CAMTA2: variants seen among roughly 807,000 people sequenced by gnomAD.
The protein encoded by CAMTA2 is calmodulin-binding transcription activator 2.
CAMTA2 carries 56 observed loss-of-function variants against 135.7 expected under a neutral mutation model. The ratio of observed to expected loss-of-function variants is 0.41; its 90% CI spans 0.33 to 0.52. The LOEUF is 0.52. Ranked by LOEUF, CAMTA2 falls within the 20% of genes least tolerant of loss-of-function variation. CAMTA2 has a pLI of 0.16. For synonymous variants in CAMTA2, 591 were observed against 604.6 expected (o/e 0.98, Z 0.33); for missense variants, 1,358 against 1,553.4 (o/e 0.87, Z 2.11).
chr17:4,972,410 TC>T lies in CAMTA2; in HGVS notation c.2629del (p.Glu877ArgfsTer58), dbSNP rs1270510899. On this transcript the variant is annotated frameshift_variant, in exon 16 of 23. Transcript: ENST00000348066. LOFTEE classifies it high-confidence loss of function. ...GGAAAGCTGGCCTGGGGCCATGTCC[TC>T]CATAGTCATCTCAGAGGCTGGCAGA... Reference protein sequence around the residue: ...APLPASEMTMEDMAPGQLSSG... With the variant: ...APLPASEMTMXDMAPGQLSSG... 1 of 1,614,010 alleles carries T rather than the reference TC, an allele frequency of 6.2e-7. No homozygotes were observed. Among genetic ancestry groups the T allele is most frequent in the East Asian group, 2.2e-5 (1 of 44,870 alleles).
chr17:4,973,444 A>G, intron 13 of CAMTA2, 141 bp downstream of exon 13: 1 of 928,208 alleles, frequency 1.1e-6, no homozygotes, highest in Admixed American at 2.2e-5. Context: ...CCCAAAATAT[A>G]AGTCCTCTCC....
At chr17:4,984,230 G>A (rs1237246424) in intron 3 of CAMTA2, among the ~76,000 whole-genome samples, 2 of 152,158 alleles carry the variant, frequency 1.3e-5, no homozygotes, top group African/African-American at 4.8e-5. Flanking sequence ...GATTACAGGC[G>A]TGAGCCACTG....
chr17:4,986,781 A>G (rs939157260), intron 1 of CAMTA2: 2 of 588,902 alleles, frequency 3.4e-6, no homozygotes, highest in African/African-American at 3.9e-5. Flanking sequence ...GGCAGATCTG[A>G]TAACTGAACC....
In CAMTA2 at chr17:4,977,259, G is replaced by A. The variant is rs529403981; in HGVS notation, c.1766-67C>T. On this transcript the variant is annotated intron_variant, in intron 10 of 22. Coordinates refer to ENST00000348066, the MANE Select transcript of CAMTA2 (RefSeq NM_015099.4). ...GCTCCTTCTCTGGCTACCTGTGTCAGCCACAGACAATTATTCCATAGTTAT... is the reference window on the plus strand; with the variant it reads ...GCTCCTTCTCTGGCTACCTGTGTCAACCACAGACAATTATTCCATAGTTAT... 40 of 1,574,074 alleles carry A rather than the reference G, an allele frequency of 2.5e-5. No individual in the cohort carries two copies. The East Asian group carries it at 7.9e-4, about 31-fold the overall frequency.
Position 4,970,062 on chromosome 17 carries a change from C to A in CAMTA2, c.3029G>T (p.Arg1010Leu). 6.2e-7 allele frequency: 1 copy of A among 1,614,016 alleles called. No homozygotes were observed. The highest frequency in any genetic ancestry group is 8.5e-7 in the Non-Finnish European group (1 of 1,179,996). Residue 1010 changes from arginine to leucine, a missense_variant, in exon 18 of 23, where the codon CGC becomes CTC. This residue lies in a region of CAMTA2 where 1,077 missense variants were observed against 1,127.5 expected (regional missense o/e 0.96). Coordinates refer to ENST00000348066, the MANE Select transcript of CAMTA2 (RefSeq NM_015099.4). ...GGAGGGTGCTGAAGGGACAGCCAGG[C>A]GACCTCGCTCAAAGGGCAGTTCGCT... ...PPSELPFERG[R>L]LAVPSAPSWA...
intron 16 of CAMTA2, 102 bp downstream of exon 16, chr17:4,972,130 C>T (rs1972329392): frequency 3.0e-6 from 3 of 1,001,542 alleles, no homozygotes; most frequent in South Asian, 3.0e-5. Flanking sequence ...TAAATAGGCC[C>T]TTCCTAAACT....
At position 4,981,513 on chromosome 17, in the gene CAMTA2, C is replaced by T. The variant is rs553642332; in HGVS notation, c.566-154G>A. Among the ~76,000 whole-genome samples, 44 of 152,342 alleles carry T rather than the reference C, an allele frequency of 2.9e-4. 1 individual carries two copies. In the South Asian group the frequency reaches 9.1e-3, roughly 32 times the overall value. On this transcript the variant is annotated intron_variant, in intron 7 of 22. Coordinates refer to ENST00000348066, the MANE Select transcript of CAMTA2 (RefSeq NM_015099.4). The stretch of plus-strand genomic sequence containing the variant: ...GACTGCTCAGATATGTTGCTTTAGT[C>T]CTTTCTCCGTATTCTAATACCTGAG...
In CAMTA2 at chr17:4,969,767, C is replaced by G; in HGVS notation, c.3190-66G>C. ...TGGCATATCTGACTTGTCCCTTCAACTTTCCTGGGGTTCCCCTGACCCTTT... is the reference window on the plus strand; with the variant it reads ...TGGCATATCTGACTTGTCCCTTCAAGTTTCCTGGGGTTCCCCTGACCCTTT... On this transcript the variant is annotated intron_variant, in intron 18 of 22. Transcript: ENST00000348066. The surrounding 1 kb of genome is among the most constrained non-coding windows in gnomAD (Gnocchi z 5.6). 1 of 1,605,366 alleles carries G rather than the reference C, an allele frequency of 6.2e-7. No individual in the cohort carries two copies. The highest frequency in any genetic ancestry group is 8.5e-7 in the Non-Finnish European group (1 of 1,173,116).
At chr17:4,982,486 C>G (rs1973016306) in intron 5 of CAMTA2, among the ~76,000 whole-genome samples, 1 of 152,196 alleles carries the variant, frequency 6.6e-6, no homozygotes, top group African/African-American at 2.4e-5. Context: ...GCTGGGATCC[C>G]TGAGGGAAAC....
Position 4,973,737 on chromosome 17 carries a change from C to T in CAMTA2, c.2049G>A (p.Arg683=), listed in dbSNP as rs935540869. 3.7e-6 allele frequency: 6 copies of T among 1,612,532 alleles called. No individual in the cohort carries two copies. In the African/African-American group the frequency reaches 8.0e-5, roughly 22 times the overall value. Residue 683 remains arginine, a synonymous_variant, in exon 13 of 23, where the codon CGG becomes CGA. Transcript: ENST00000348066. Reference sequence around the variant, plus strand: ...TCATGCTTTCTACCAAGACCACTACCCGTGCTTCGAACCCAGGCCCCTGGC... The same window carrying T: ...TCATGCTTTCTACCAAGACCACTACTCGTGCTTCGAACCCAGGCCCCTGGC... ...DEGQGPGFEA[R]VVVLVESMIP... is the part of the protein sequence containing the mutation.
In CAMTA2 at chr17:4,981,229, C is replaced by T. The variant is rs1972940584; in HGVS notation, c.696G>A (p.Gly232=). The change falls in exon 8 of 23, where the codon GGG becomes GGA. Residue 232 remains glycine (G), a synonymous_variant. Transcript: ENST00000348066. The part of the protein sequence containing the change: ...PRTHACLCSG[G]LGSGSLTHKC... ...AAAGGTCAGGGAGTAACTTACCAAGCCCCCCACTGCAGAGACAGGCGTGGG... is the reference window on the plus strand; with the variant it reads ...AAAGGTCAGGGAGTAACTTACCAAGTCCCCCACTGCAGAGACAGGCGTGGG... 6.2e-7 allele frequency: 1 copy of T among 1,613,236 alleles called. No individual in the cohort carries two copies. Among genetic ancestry groups the T allele is most frequent in the Non-Finnish European group, 8.5e-7 (1 of 1,179,778 alleles).
At position 4,973,637 on chromosome 17, in the gene CAMTA2, G is replaced by C; in HGVS notation, c.2149C>G (p.Leu717Val). 6.2e-7 allele frequency: 1 copy of C among 1,614,096 alleles called. No individual in the cohort carries two copies. Among genetic ancestry groups the C allele is most frequent in the South Asian group, 1.1e-5 (1 of 91,086 alleles). Residue 717 changes from leucine to valine, a missense_variant, in exon 13 of 23, where the codon CTG becomes GTG. Around this residue, in one of 4 missense-constraint regions of CAMTA2, gnomAD observed 1,077 missense variants for 1,127.5 expected, o/e 0.96. Coordinates refer to ENST00000348066, the MANE Select transcript of CAMTA2 (RefSeq NM_015099.4). Reference sequence around the variant, plus strand: ...CGGGCATAGCCCTGGGCAGCAGCCAGGTGCAGAAGGCTCATGCCCCGGAAG... The same window carrying C: ...CGGGCATAGCCCTGGGCAGCAGCCACGTGCAGAAGGCTCATGCCCCGGAAG... ...SPFRGMSLLH[L>V]AAAQGYARLI...
chr17:4,986,618 G>T, intron 1 of CAMTA2: 1 of 517,210 alleles, frequency 1.9e-6, no homozygotes, highest in Non-Finnish European at 3.4e-6. Context: ...AGGTCCTGGG[G>T]GTTGGGACTC....
Position 4,980,132 on chromosome 17 carries a change from C to A in CAMTA2, c.1190G>T (p.Ser397Ile). The A allele has an allele frequency of 6.3e-7, 1 of 1,599,360 alleles. No individual in the cohort carries two copies. Among genetic ancestry groups the A allele is most frequent in the South Asian group, 1.1e-5 (1 of 88,852 alleles). The stretch of plus-strand genomic sequence containing the variant: ...GGCCTCTGCCTCGGGGAAGTCTGGG[C>A]TTACTCCCTGCCCCCCTCCATATGT... ...GQTYGGGQGV[S>I]PDFPEAEAAH... The change falls in exon 9 of 23, where the codon AGC (serine) becomes ATC (isoleucine). Residue 397 changes from serine (S) to isoleucine (I), a missense_variant. Coordinates refer to ENST00000348066, the MANE Select transcript of CAMTA2 (RefSeq NM_015099.4). This position sits in a 1 kb window ranked among gnomAD's most constrained non-coding sequence, Gnocchi z 5.3.
rs373889003 is a variant in CAMTA2 at position 4,981,789 on chromosome 17, G to A, written c.454C>T (p.Leu152=). 1 of 1,612,678 alleles carries A rather than the reference G, an allele frequency of 6.2e-7. No individual in the cohort carries two copies. The highest frequency in any genetic ancestry group is 8.5e-7 in the Non-Finnish European group (1 of 1,179,230). The part of the protein sequence containing the change: ...VLVHYLNVPA[L]EDCGKGCSPI... ...CTGCAGCCCTTTCCACAGTCCTCCA[G>A]GGCTGGGACGTTCAGGTAGTGCACA... The change falls in exon 7 of 23, where the codon CTG becomes TTG. Residue 152 remains leucine, a synonymous_variant. Transcript: ENST00000348066.
At position 4,986,274 on chromosome 17, in the gene CAMTA2, G is replaced by T. The variant is rs775300540; in HGVS notation, c.-52C>A. 10 of 1,455,596 alleles carry T rather than the reference G, an allele frequency of 6.9e-6. No homozygotes were observed. In the South Asian group the frequency reaches 9.4e-5, roughly 14 times the overall value. 90.2% of individuals were successfully genotyped at this position (1,455,596 alleles called of 1,614,324 possible). On this transcript the variant is annotated 5_prime_UTR_variant, in exon 2 of 23. Coordinates refer to ENST00000348066, the MANE Select transcript of CAMTA2 (RefSeq NM_015099.4). Reference sequence around the variant, plus strand: ...CCCCCGGCCTGAGGGGCCGGGGGGAGGGGGAGTCTGTGCTGGGAAGGGAGA... The same window carrying T: ...CCCCCGGCCTGAGGGGCCGGGGGGATGGGGAGTCTGTGCTGGGAAGGGAGA...
Position 4,969,071 on chromosome 17 carries a change from CATG to C in CAMTA2, c.3470+76_3470+78del. The stretch of plus-strand genomic sequence containing the variant: ...CCCTAGGCAGGGAATGGCAGTGAGG[CATG>C]ATGATCAAGAGGATGAGTAAGGGGG... On this transcript the variant is annotated intron_variant, in intron 21 of 22. Coordinates refer to ENST00000348066, the MANE Select transcript of CAMTA2 (RefSeq NM_015099.4). This position sits in a 1 kb window ranked among gnomAD's most constrained non-coding sequence, Gnocchi z 5.6. 6.3e-7 allele frequency: 1 copy of C among 1,580,914 alleles called. No homozygotes were observed. The highest frequency in any genetic ancestry group is 1.7e-5 in the Admixed American group (1 of 58,260).
chr17:4,969,232 G>C lies in CAMTA2; in HGVS notation c.3388C>G (p.Leu1130Val). The C allele has an allele frequency of 3.1e-6, 5 of 1,613,598 alleles. No homozygotes were observed. The highest frequency in any genetic ancestry group is 4.2e-6 in the Non-Finnish European group (5 of 1,180,028). ...TAGGAGCGGTAGTGCTGCTGGATGA[G>C]CACAGCCGCTCGGCGGCTCTGCTGA... ...RFQQSRRAAV[L>V]IQQHYRSYRR... The change falls in exon 21 of 23, where the codon CTC becomes GTC. Residue 1130 changes from leucine (L) to valine (V), a missense_variant. Physicochemically the swap from Leu to Val is conservative, Grantham distance 32. Coordinates refer to ENST00000348066, the MANE Select transcript of CAMTA2 (RefSeq NM_015099.4). The surrounding 1 kb of genome is among the most constrained non-coding windows in gnomAD (Gnocchi z 5.6).
rs202144514 is a variant in CAMTA2, at chr17:4,986,218, T to G, written c.5A>C (p.Asn2Thr). The G allele has an allele frequency of 2.9e-5, 46 of 1,608,262 alleles. No homozygotes were observed. The Admixed American group carries it at 7.7e-4, about 27-fold the overall frequency. M[N>T]TKDTTEVAEN... ...AGCAACCTCGGTGGTGTCCTTGGTA[T>G]TCATGGTGAGGGCTCCAGGGGGCAA... Residue 2 changes from asparagine (N) to threonine (T), a missense_variant, in exon 2 of 23, where the codon AAT (asparagine) becomes ACT (threonine). This residue lies in a region of CAMTA2 where 105 missense variants were observed against 190.9 expected (regional missense o/e 0.55). Coordinates refer to ENST00000348066, the MANE Select transcript of CAMTA2 (RefSeq NM_015099.4).
Sources: gnomAD v4.1 joint callset for allele counts (sites outside exome capture counted in the v4.1 genomes callset) on GRCh38, gnomAD v4.1.1 for gene constraint, gnomAD v4.1.1 regional missense constraint, Gnocchi (gnomAD v3.1) non-coding constraint, MANE v1.5 for transcripts, NCBI Gene and HGNC (gene_info 2026-07-23, HGNC 2026-07-21) for gene names.